CDH12: variants seen among roughly 807,000 people sequenced by gnomAD.
CDH12 encodes cadherin 12, also known as cadherin-12.
Under a neutral mutation model 74.1 loss-of-function variants are expected in CDH12, and 41 were observed. The ratio of observed to expected loss-of-function variants is 0.55; its 90% CI spans 0.43 to 0.72. The LOEUF is 0.72. CDH12 is among the 30% of genes least tolerant of loss of function. CDH12 has a pLI of 0.00. For missense variants in CDH12, 945 were observed against 977.2 expected (o/e 0.97, Z 0.44); for synonymous variants, 399 against 355.0 (o/e 1.12, Z -1.39).
intron 6 of CDH12, among the ~76,000 whole-genome samples, chr5:21,942,085 G>A (rs1755355569): frequency 6.6e-6 from 1 of 152,070 alleles, no homozygotes; most frequent in African/African-American, 2.4e-5. Context: ...AGACTGAGAA[G>A]ATGCCTTCGA....
intron 1 of CDH12, among the ~76,000 whole-genome samples, chr5:22,590,514 TAC>T (rs1171287419): frequency 6.6e-6 from 1 of 152,308 alleles, no homozygotes; most frequent in South Asian, 2.1e-4. Flanking sequence ...ATCACTGCAT[TAC>T]AGAGATTTTT....
intron 2 of CDH12, among the ~76,000 whole-genome samples, chr5:22,488,428 C>A (rs571855733): frequency 3.9e-5 from 6 of 152,238 alleles, no homozygotes; most frequent in Admixed American, 6.5e-5. Flanking sequence ...CAAGTGAATG[C>A]AGTTTTATTA....
At chr5:21,853,768 C>T (rs1349189240) in intron 7 of CDH12, among the ~76,000 whole-genome samples, 1 of 151,608 alleles carries the variant, frequency 6.6e-6, no homozygotes, top group Non-Finnish European at 1.5e-5. Context: ...ATTTAAAAAT[C>T]AATTTACAAA....
At chr5:22,261,048 T>C (rs1322184688) in intron 3 of CDH12, among the ~76,000 whole-genome samples, 1 of 143,936 alleles carries the variant, frequency 6.9e-6, no homozygotes, top group Non-Finnish European at 1.5e-5. Flanking sequence ...AGACTATATA[T>C]ATATGTGTGT....
intron 2 of CDH12, among the ~76,000 whole-genome samples, chr5:22,433,822 G>A (rs1407420582): frequency 6.6e-6 from 1 of 152,156 alleles, no homozygotes; most frequent in Non-Finnish European, 1.5e-5. Flanking sequence ...ATCTTTGGAA[G>A]TAACATTTTG....
chr5:22,491,610 C>CAAAAAAAAAACAAAAAA (rs1746867654), intron 2 of CDH12, among the ~76,000 whole-genome samples: 1 of 120,940 alleles, frequency 8.3e-6, no homozygotes, highest in African/African-American at 3.1e-5. Context: ...AGCTAATGAG[C>CAAAAAAAAAACAAAAAA]AAAAAAAAAA....
intron 2 of CDH12, among the ~76,000 whole-genome samples, chr5:22,490,323 A>C (rs569354713): frequency 6.6e-6 from 1 of 152,114 alleles, no homozygotes; most frequent in East Asian, 1.9e-4. Flanking sequence ...TATTGCTTTC[A>C]CTCCTTCTAT....
At chr5:21,801,928 A>G (rs1416945038) in intron 10 of CDH12, among the ~76,000 whole-genome samples, 5 of 152,310 alleles carry the variant, frequency 3.3e-5, no homozygotes, top group South Asian at 2.1e-4. Context: ...TGACATGAGA[A>G]TCAGACCTCT....
intron 6 of CDH12, among the ~76,000 whole-genome samples, chr5:21,959,627 G>T (rs967854987): frequency 4.0e-5 from 6 of 151,556 alleles, no homozygotes; most frequent in African/African-American, 1.5e-4. Context: ...GACAAAGAAG[G>T]GGCCGGGAGT....
chr5:22,230,426 A>C (rs1752340359), intron 3 of CDH12, among the ~76,000 whole-genome samples: 1 of 151,262 alleles, frequency 6.6e-6, no homozygotes, highest in Non-Finnish European at 1.5e-5. Context: ...ATGTCAAACG[A>C]GTCTTTGTTT....
intron 3 of CDH12, among the ~76,000 whole-genome samples, chr5:22,315,908 T>A (rs140464365): frequency 7.9e-5 from 12 of 152,242 alleles, no homozygotes; most frequent in East Asian, 5.8e-4. Context: ...ATTTTTTTTT[T>A]AATTCTTTTG....
intron 1 of CDH12, among the ~76,000 whole-genome samples, chr5:22,518,846 A>G (rs1736920067): frequency 6.6e-6 from 1 of 152,130 alleles, no homozygotes; most frequent in South Asian, 2.1e-4. Context: ...TTGATTGGAA[A>G]CAAGAGAGAA....
intron 1 of CDH12, among the ~76,000 whole-genome samples, chr5:22,792,245 C>T (rs1396933420): frequency 1.1e-4 from 16 of 151,894 alleles, no homozygotes; most frequent in Non-Finnish European, 1.3e-4. Context: ...CCCGCCATCA[C>T]GCCCCACTAA....
At chr5:21,808,173 C>T (rs1747540783) in intron 9 of CDH12, among the ~76,000 whole-genome samples, 3 of 152,032 alleles carry the variant, frequency 2.0e-5, no homozygotes, top group Admixed American at 1.3e-4. Context: ...CCACGAGGAA[C>T]TGGCTCTGCT....
chr5:22,736,521 T>A (rs555926135), intron 1 of CDH12, among the ~76,000 whole-genome samples: 1 of 151,984 alleles, frequency 6.6e-6, no homozygotes, highest in East Asian at 1.9e-4. Flanking sequence ...ATCTGTGATG[T>A]TATTGGAAGT....
chr5:21,786,372 T>C (rs1263648311), intron 10 of CDH12, among the ~76,000 whole-genome samples: 1 of 152,098 alleles, frequency 6.6e-6, no homozygotes, highest in Non-Finnish European at 1.5e-5. Flanking sequence ...CAGGCTAGTC[T>C]CAAACTCAAG....
intron 1 of CDH12, among the ~76,000 whole-genome samples, chr5:22,612,067 T>C (rs1234111795): frequency 6.6e-6 from 1 of 152,202 alleles, no homozygotes; most frequent in Non-Finnish European, 1.5e-5. Flanking sequence ...AATACTTTAA[T>C]ATTTGGCCCT....
rs183770109 is a variant in CDH12, at chr5:22,574,638, C to T, written c.-522-69274G>A. ...GATGGATTTCTATTATATGTGTTCC[C>T]AGACTTTTTCCTTAAAAAGCCTCTA... On this transcript the variant is annotated intron_variant, in intron 1 of 14. Coordinates refer to ENST00000382254, the MANE Select transcript of CDH12 (RefSeq NM_004061.5). 1.8e-3 allele frequency among the ~76,000 whole-genome samples: 274 copies of T among 152,088 alleles called. 7 individuals are homozygous for T. The highest frequency in any genetic ancestry group is 2.1e-3 in the East Asian group (11 of 5,136).
intron 3 of CDH12, among the ~76,000 whole-genome samples, chr5:22,374,045 G>A (rs1741412172): frequency 6.6e-6 from 1 of 152,080 alleles, no homozygotes; most frequent in Non-Finnish European, 1.5e-5. Context: ...GATGAACACA[G>A]ATGCAAAAAT....
Sources: allele counts gnomAD v4.1 joint callset (sites outside exome capture counted in the v4.1 genomes callset), GRCh38; gene constraint gnomAD v4.1.1; transcripts MANE v1.5; gene names NCBI Gene and HGNC (gene_info 2026-07-23, HGNC 2026-07-21).